Variants in C8orf34 observed in about 807,000 individuals in gnomAD.
The protein encoded by C8orf34 is chromosome 8 open reading frame 34.
In C8orf34, 65 loss-of-function variants were observed where a neutral mutation model predicts 68.3. The observed-to-expected ratio is 0.95, with a 90% CI of 0.78 to 1.17. The LOEUF is 1.17. Ranked by LOEUF, C8orf34 falls within the 50% of genes most tolerant of loss-of-function variation. The probability of loss-of-function intolerance (pLI) is 0.00; values close to 1 mark genes in which losing one functional copy is unlikely to be tolerated. For missense variants in C8orf34, 664 were observed against 655.4 expected (o/e 1.01, Z -0.14); for synonymous variants, 244 against 241.2 (o/e 1.01, Z -0.11).
chr8:68,621,855 G>A (rs1818397973), intron 7 of C8orf34, among the ~76,000 whole-genome samples: 1 of 152,182 alleles, frequency 6.6e-6, no homozygotes, highest in African/African-American at 2.4e-5. Flanking sequence ...ATTTATAGCT[G>A]TGTAATAAAT....
At chr8:68,570,049 A>G (rs1816716883) in intron 7 of C8orf34, among the ~76,000 whole-genome samples, 1 of 152,092 alleles carries the variant, frequency 6.6e-6, no homozygotes, top group Admixed American at 6.5e-5. Context: ...ATGCTCTTAT[A>G]TTCCCTAGTA....
At chr8:68,750,771 T>C (rs1822682520) in intron 10 of C8orf34, among the ~76,000 whole-genome samples, 3 of 152,182 alleles carry the variant, frequency 2.0e-5, no homozygotes, top group East Asian at 1.9e-4. Flanking sequence ...GTCATCCTCA[T>C]AGTTCCTGAA....
intron 1 of C8orf34, among the ~76,000 whole-genome samples, chr8:68,376,714 A>G (rs987778796): frequency 6.6e-6 from 1 of 152,024 alleles, no homozygotes; most frequent in African/African-American, 2.4e-5. Context: ...TTTTATGTCC[A>G]GTATGTTGTA....
chr8:68,484,166 G>C (rs990724517), intron 4 of C8orf34, among the ~76,000 whole-genome samples: 1 of 152,216 alleles, frequency 6.6e-6, no homozygotes, highest in African/African-American at 2.4e-5. Context: ...GCAAGAGCAA[G>C]GTTGGGGAAG....
At chr8:68,601,457 C>T (rs190031616) in intron 7 of C8orf34, among the ~76,000 whole-genome samples, 1 of 152,042 alleles carries the variant, frequency 6.6e-6, no homozygotes, top group Non-Finnish European at 1.5e-5. Context: ...TTTTATTGCT[C>T]TGTCCTCAAG....
intron 1 of C8orf34, among the ~76,000 whole-genome samples, chr8:68,392,078 T>C (rs1364032911): frequency 6.6e-6 from 1 of 152,180 alleles, no homozygotes; most frequent in East Asian, 1.9e-4. Flanking sequence ...AAATTCTGAT[T>C]TTGAAATTAC....
At chr8:68,769,033 A>T (rs1218252221) in intron 10 of C8orf34, among the ~76,000 whole-genome samples, 1 of 152,012 alleles carries the variant, frequency 6.6e-6, no homozygotes, top group African/African-American at 2.4e-5. Context: ...CATTTTTCTT[A>T]TTTAAAAAAT....
intron 12 of C8orf34, among the ~76,000 whole-genome samples, chr8:68,805,336 T>A (rs551262059): frequency 1.4e-4 from 22 of 152,356 alleles, no homozygotes; most frequent in Middle Eastern, 3.4e-3. Context: ...GAGTTTTCTT[T>A]ATGTGTCCAT....
rs1805555596 is a variant in C8orf34, at chr8:68,331,072, G to A, written c.60G>A (p.Arg20=). Residue 20 remains arginine, a synonymous_variant, in exon 1 of 14, where the codon CGG becomes CGA. Transcript: ENST00000518698. The part of the protein sequence containing the change: ...SELAALRPGF[R]LSAPHARVAP... ...TGGCGGCGCTGCGCCCAGGCTTCCGGCTCTCAGCGCCCCACGCGCGCGTGG... is the reference window on the plus strand; with the variant it reads ...TGGCGGCGCTGCGCCCAGGCTTCCGACTCTCAGCGCCCCACGCGCGCGTGG... 1.4e-6 allele frequency: 2 copies of A among 1,445,440 alleles called. No individual in the cohort carries two copies. The highest frequency in any genetic ancestry group is 2.6e-5 in the Admixed American group (1 of 38,188). The allele number at this position is 1,445,440 out of a possible 1,614,324, so 89.5% of individuals were successfully genotyped here.
At chr8:68,687,710 A>T (rs1343745612) in intron 8 of C8orf34, among the ~76,000 whole-genome samples, 1 of 152,026 alleles carries the variant, frequency 6.6e-6, no homozygotes, top group African/African-American at 2.4e-5. Context: ...TAGGCAAAGA[A>T]TTCATGACTA....
intron 13 of C8orf34, among the ~76,000 whole-genome samples, 166 bp downstream of exon 13, chr8:68,816,111 T>TGTGG (rs1824807536): frequency 7.6e-6 from 1 of 132,124 alleles, no homozygotes; most frequent in South Asian, 2.7e-4. Context: ...TAAGAGTGTG[T>TGTGG]GTGTGTGTGT....
At chr8:68,466,051 AC>A (rs1423489279) in intron 3 of C8orf34, among the ~76,000 whole-genome samples, 14 of 151,288 alleles carry the variant, frequency 9.3e-5, no homozygotes, top group Admixed American at 8.6e-4. Context: ...AAAAAAAAAA[AC>A]AATGAAATCA....
chr8:68,426,566 A>C (rs1186328719), intron 1 of C8orf34, among the ~76,000 whole-genome samples: 1 of 151,422 alleles, frequency 6.6e-6, no homozygotes, highest in East Asian at 1.9e-4. Context: ...AGCAAAAAAG[A>C]AAACTACAAA....
intron 3 of C8orf34, among the ~76,000 whole-genome samples, chr8:68,461,786 A>G (rs1811841034): frequency 1.3e-5 from 2 of 152,220 alleles, no homozygotes; most frequent in South Asian, 4.1e-4. Flanking sequence ...GAGCTCCTGA[A>G]GGAAGCACTA....
At chr8:68,344,662 T>C (rs1806207660) in intron 1 of C8orf34, among the ~76,000 whole-genome samples, 1 of 152,164 alleles carries the variant, frequency 6.6e-6, no homozygotes, top group Admixed American at 6.5e-5. Context: ...AAAATATAGT[T>C]TTTTAACTTT....
intron 1 of C8orf34, among the ~76,000 whole-genome samples, chr8:68,350,436 G>A (rs1469378722): frequency 6.6e-6 from 1 of 151,868 alleles, no homozygotes; most frequent in East Asian, 1.9e-4. Flanking sequence ...TTCTATAAAT[G>A]TCTATCAGAT....
At chr8:68,630,592 G>T (rs1009305591) in intron 7 of C8orf34, among the ~76,000 whole-genome samples, 3 of 151,630 alleles carry the variant, frequency 2.0e-5, no homozygotes, top group Non-Finnish European at 1.5e-5. Context: ...GCACTTATAG[G>T]TAATATATTT....
intron 10 of C8orf34, among the ~76,000 whole-genome samples, chr8:68,737,379 T>C (rs1188929419): frequency 6.6e-6 from 1 of 152,066 alleles, no homozygotes; most frequent in African/African-American, 2.4e-5. Flanking sequence ...TTGTTTATCA[T>C]AGCTCTCCAC....
intron 8 of C8orf34, among the ~76,000 whole-genome samples, chr8:68,662,834 T>C (rs1819722615): frequency 6.6e-6 from 1 of 152,134 alleles, no homozygotes; most frequent in South Asian, 2.1e-4. Context: ...CCTTGGTTCA[T>C]TTTTAGTTCA....
Sources: allele counts gnomAD v4.1 joint callset (sites outside exome capture counted in the v4.1 genomes callset), GRCh38; gene constraint gnomAD v4.1.1; transcripts MANE v1.5; gene names NCBI Gene and HGNC (gene_info 2026-07-23, HGNC 2026-07-21).